The following PHAF1 variants were observed in gnomAD, a reference collection of about 807,000 sequenced individuals.
The protein encoded by PHAF1 is phagosome assembly factor 1.
In PHAF1, 23 loss-of-function variants were observed where a neutral mutation model predicts 63.1. That is an observed-to-expected ratio of 0.36 (90% confidence interval 0.26 to 0.52). The LOEUF is 0.52. Among genes scored for constraint, PHAF1 ranks in the 20% least tolerant of loss-of-function variants. PHAF1 has a pLI of 0.93. For missense variants in PHAF1, 427 were observed against 517.2 expected (o/e 0.83, Z 1.69); for synonymous variants, 167 against 185.0 (o/e 0.90, Z 0.79).
At chr16:67,144,240 T>C in intron 10 of PHAF1, 54 bp from the exon 11 acceptor site, 1 of 1,378,210 alleles carries the variant, frequency 7.3e-7, no homozygotes, top group Non-Finnish European at 1.0e-6. Context: ...TGGAAAGGCC[T>C]CTGCCCTGCC....
chr16:67,122,163 G>A (rs1963006888), intron 2 of PHAF1, among the ~76,000 whole-genome samples: 1 of 152,080 alleles, frequency 6.6e-6, no homozygotes, highest in Non-Finnish European at 1.5e-5. Context: ...GCCTCCCAAA[G>A]TGCTGGGATT....
In PHAF1 at chr16:67,139,774, G is replaced by T. The variant is rs1963737758; in HGVS notation, c.662-210G>T. ...GTATCCAGAGCTTCATGTCACATGT[G>T]GGGGATTGAATAAGTCCCTGGCATT... On this transcript the variant is annotated intron_variant, in intron 8 of 15. Coordinates refer to ENST00000219139, the MANE Select transcript of PHAF1 (RefSeq NM_025187.5). The T allele has an allele frequency of 8.8e-6, 5 of 565,998 alleles. No individual in the cohort carries two copies. The South Asian group carries it at 1.2e-4, about 13-fold the overall frequency. The allele number at this position is 565,998 out of a possible 1,614,324, so 35.1% of individuals were successfully genotyped here.
chr16:67,123,057 G>A (rs1206726507), intron 2 of PHAF1, among the ~76,000 whole-genome samples: 2 of 151,704 alleles, frequency 1.3e-5, no homozygotes, highest in African/African-American at 4.8e-5. Context: ...AGGATCAAAA[G>A]GAGATGGTCT....
intron 11 of PHAF1, 116 bp downstream of exon 11, chr16:67,144,492 T>C (rs1963919037): frequency 2.6e-6 from 2 of 758,046 alleles, no homozygotes; most frequent in Non-Finnish European, 4.5e-6. Flanking sequence ...ATTCTTGCTG[T>C]TTCATGGGAA....
chr16:67,115,447 C>T (rs1048458317), intron 1 of PHAF1, among the ~76,000 whole-genome samples: 1 of 152,152 alleles, frequency 6.6e-6, no homozygotes, highest in African/African-American at 2.4e-5. Context: ...AGGAGCTTGA[C>T]GTGTGCAAGT....
At chr16:67,110,343 C>T in intron 1 of PHAF1, 104 bp downstream of exon 1, 1 of 1,301,694 alleles carries the variant, frequency 7.7e-7, no homozygotes, top group East Asian at 2.5e-5. Context: ...CCCGCAGCTC[C>T]TCACCTCTTT....
Position 67,147,133 on chromosome 16 carries a change from G to T in PHAF1, c.*2G>T. 6.2e-6 allele frequency: 10 copies of T among 1,607,232 alleles called. No homozygotes were observed. Among genetic ancestry groups the T allele is most frequent in the Non-Finnish European group, 8.5e-6 (10 of 1,173,912 alleles). On this transcript the variant is annotated 3_prime_UTR_variant, in exon 16 of 16. Transcript: ENST00000219139. Reference sequence around the variant, plus strand: ...CTGAGAACAGCGGAACTCCCCTAGGGACACCACCACCCATGCCCCTCTGTC... The same window carrying T: ...CTGAGAACAGCGGAACTCCCCTAGGTACACCACCACCCATGCCCCTCTGTC...
At chr16:67,134,301 T>G (rs1322965172) in intron 7 of PHAF1, 36 bp downstream of exon 7, 1 of 1,608,204 alleles carries the variant, frequency 6.2e-7, no homozygotes, top group African/African-American at 1.3e-5. Context: ...TGCTAAGGCC[T>G]GGGCTGCCTG....
intron 10 of PHAF1, among the ~76,000 whole-genome samples, chr16:67,142,928 A>G (rs1022799448): frequency 2.0e-5 from 3 of 152,206 alleles, no homozygotes; most frequent in African/African-American, 7.2e-5. Context: ...GCTGCCATCA[A>G]TAGGTGACAG....
intron 2 of PHAF1, among the ~76,000 whole-genome samples, chr16:67,121,649 C>T (rs886390856): frequency 4.7e-5 from 7 of 149,524 alleles, no homozygotes; most frequent in Admixed American, 6.7e-5. Context: ...GGTGCAATCT[C>T]GGCTCACCTC....
intron 6 of PHAF1, among the ~76,000 whole-genome samples, chr16:67,133,884 G>A (rs1377544872): frequency 6.6e-6 from 1 of 151,964 alleles, no homozygotes; most frequent in Non-Finnish European, 1.5e-5. Flanking sequence ...GGTGGAGGTT[G>A]CAGTGAGCTG....
chr16:67,130,346 C>CTTTTTT (rs34430310), intron 3 of PHAF1, among the ~76,000 whole-genome samples: 2 of 74,980 alleles, frequency 2.7e-5, no homozygotes, highest in African/African-American at 5.7e-5. Context: ...CGTGCCCGGC[C>CTTTTTT]TTTTTTTTTT....
chr16:67,140,868 A>T (rs1963784122), intron 10 of PHAF1, among the ~76,000 whole-genome samples: 1 of 152,216 alleles, frequency 6.6e-6, no homozygotes, highest in South Asian at 2.1e-4. Context: ...CTTGGAAATC[A>T]TTCAGATTAA....
intron 14 of PHAF1, 80 bp from the exon 15 acceptor site, chr16:67,146,198 T>C: frequency 1.6e-6 from 2 of 1,288,876 alleles, no homozygotes; most frequent in Non-Finnish European, 2.3e-6. Flanking sequence ...CAGTATCCCA[T>C]ACCCCAGAAA....
At chr16:67,138,436 A>G (rs2145878056) in intron 8 of PHAF1, among the ~76,000 whole-genome samples, 1 of 152,298 alleles carries the variant, frequency 6.6e-6, no homozygotes, top group African/African-American at 2.4e-5. Context: ...ACAACTGTAA[A>G]GCCTTGTGCT....
Position 67,140,530 on chromosome 16 carries a change from C to T in PHAF1, c.815C>T (p.Ser272Phe). ...CTACAGATGAAAATTCATTCTCCTT[C>T]CCCTCATAAACAAGTTCCATCGAAG... ...SEDKMKIHSP[S>F]PHKQVPSKCN... Residue 272 changes from serine to phenylalanine, a missense_variant, in exon 10 of 16, where the codon TCC (serine) becomes TTC (phenylalanine). Transcript: ENST00000219139. 1 of 1,594,030 alleles carries T rather than the reference C, an allele frequency of 6.3e-7. No individual in the cohort carries two copies. The highest frequency in any genetic ancestry group is 8.6e-7 in the Non-Finnish European group (1 of 1,161,678).
At chr16:67,119,983 T>A in intron 1 of PHAF1, 129 bp from the exon 2 acceptor site, 1 of 666,496 alleles carries the variant, frequency 1.5e-6, no homozygotes, top group South Asian at 1.9e-5. Context: ...TATTTACTCA[T>A]GTATCTGTAG....
intron 4 of PHAF1, among the ~76,000 whole-genome samples, chr16:67,131,599 A>T (rs989223692): frequency 1.3e-5 from 2 of 152,218 alleles, no homozygotes; most frequent in African/African-American, 4.8e-5. Flanking sequence ...AGGTGATGTG[A>T]CAGTCTCCTG....
Position 67,147,101 on chromosome 16 carries a change from T to A in PHAF1, c.1239T>A (p.Gly413=). The A allele has an allele frequency of 6.2e-7, 1 of 1,613,910 alleles. No individual in the cohort carries two copies. Among genetic ancestry groups the A allele is most frequent in the East Asian group, 2.2e-5 (1 of 44,868 alleles). The change falls in exon 16 of 16, where the codon GGT becomes GGA. Residue 413 remains glycine, a synonymous_variant. Transcript: ENST00000219139. ...CCCTGTATGGCCCCCCCAGGCCTGG[T>A]AGCCACCTGAGAACAGCGGAACTCC... ...SVTLYGPPRP[G]SHLRTAELP
Sources: gnomAD v4.1 joint callset for allele counts (sites outside exome capture counted in the v4.1 genomes callset) on GRCh38, gnomAD v4.1.1 for gene constraint, MANE v1.5 for transcripts, NCBI Gene and HGNC (gene_info 2026-07-23, HGNC 2026-07-21) for gene names.